Variants in UBAP2 observed in about 807,000 individuals in gnomAD.
UBAP2 encodes the protein ubiquitin-associated protein 2.
Under a neutral mutation model 139.6 loss-of-function variants are expected in UBAP2, and 75 were observed. The ratio of observed to expected loss-of-function variants is 0.54; its 90% CI spans 0.45 to 0.65. The LOEUF (loss-of-function observed/expected upper bound fraction) is 0.65, where lower values mean the gene tolerates loss of function less well. Among genes scored for constraint, UBAP2 ranks in the 30% least tolerant of loss-of-function variants. The probability of loss-of-function intolerance (pLI) is 0.00; values close to 1 mark genes in which losing one functional copy is unlikely to be tolerated. For synonymous variants in UBAP2, 526 were observed against 526.2 expected (o/e 1.00, Z 0.01); for missense variants, 1,368 against 1,369.6 (o/e 1.00, Z 0.02).
At chr9:34,012,285 C>T (rs1424984030) in intron 2 of UBAP2, among the ~76,000 whole-genome samples, 1 of 152,170 alleles carries the variant, frequency 6.6e-6, no homozygotes, top group Non-Finnish European at 1.5e-5. Context: ...AATCCCAGCA[C>T]TTTGGGAGGT....
intron 1 of UBAP2, among the ~76,000 whole-genome samples, chr9:34,023,768 G>A (rs1033515642): frequency 1.4e-4 from 22 of 152,102 alleles, no homozygotes; most frequent in Admixed American, 7.2e-4. Context: ...AATACAGGCC[G>A]GGTGCAGTAG....
chr9:34,002,581 T>C (rs900133627), intron 2 of UBAP2, among the ~76,000 whole-genome samples: 4 of 152,054 alleles, frequency 2.6e-5, no homozygotes, highest in Non-Finnish European at 4.4e-5. Context: ...TTTCACAATG[T>C]TGGTCAGGCT....
rs558299142 is a variant in UBAP2 at position 33,947,603 on chromosome 9, C to G, written c.1270+771G>C. On this transcript the variant is annotated intron_variant, in intron 13 of 28. Coordinates refer to ENST00000379238, the MANE Select transcript of UBAP2 (RefSeq NM_001370062.2). ...TTTGGAGGCCGAGGTGGGCAGATCA[C>G]CTTAGTCCAGGAGTTCCAGACCAGC... 1.8e-4 allele frequency among the ~76,000 whole-genome samples: 27 copies of G among 152,122 alleles called. 2 individuals carry two copies. In the South Asian group the frequency reaches 5.6e-3, roughly 32 times the overall value.
intron 1 of UBAP2, among the ~76,000 whole-genome samples, chr9:34,029,277 A>G (rs867277125): frequency 6.9e-5 from 10 of 145,896 alleles, no homozygotes; most frequent in African/African-American, 1.8e-4. Flanking sequence ...CCTGTAATCC[A>G]GCACTTTGGG....
intron 6 of UBAP2, among the ~76,000 whole-genome samples, chr9:33,977,955 C>T (rs1361010924): frequency 1.4e-5 from 2 of 146,694 alleles, no homozygotes; most frequent in Non-Finnish European, 3.0e-5. Flanking sequence ...GCAGAGGTTG[C>T]AGTGAGCCAA....
intron 16 of UBAP2, among the ~76,000 whole-genome samples, chr9:33,939,276 C>A (rs942137847): frequency 2.1e-5 from 3 of 141,406 alleles, no homozygotes; most frequent in Non-Finnish European, 4.5e-5. Flanking sequence ...TCACTGCAAC[C>A]TCCTCCGCCT....
rs574415611 is a variant in UBAP2, at chr9:34,039,126, G to A, written c.-42+9699C>T. ...AAGTGAGGAGCGTCTCCGCCCGGCA[G>A]CCGGCCCGTCTGGGAGGTGGGGGGC... On this transcript the variant is annotated intron_variant, in intron 1 of 28. Transcript: ENST00000379238. Among the ~76,000 whole-genome samples the A allele has an allele frequency of 5.3e-4, 80 of 151,644 alleles. 1 individual carries two copies. Among genetic ancestry groups the A allele is most frequent in the East Asian group, 2.6e-3 (13 of 5,098 alleles).
chr9:34,020,437 G>A (rs894737360), intron 1 of UBAP2, among the ~76,000 whole-genome samples: 2 of 151,650 alleles, frequency 1.3e-5, no homozygotes, highest in African/African-American at 4.8e-5. Flanking sequence ...CAATCCTCCT[G>A]TCTCAGCCTC....
intron 1 of UBAP2, among the ~76,000 whole-genome samples, chr9:34,039,533 T>C (rs1587703617): frequency 6.6e-6 from 1 of 152,170 alleles, no homozygotes; most frequent in Non-Finnish European, 1.5e-5. Flanking sequence ...CTTGGGATGC[T>C]GTTAATCTAT....
At chr9:34,039,667 C>A (rs958715918) in intron 1 of UBAP2, among the ~76,000 whole-genome samples, 1 of 151,822 alleles carries the variant, frequency 6.6e-6, no homozygotes, top group African/African-American at 2.4e-5. Flanking sequence ...AGAGTCATCA[C>A]CACTCCCTAA....
chr9:33,957,396 T>G (rs573767865), intron 10 of UBAP2, among the ~76,000 whole-genome samples: 18 of 152,320 alleles, frequency 1.2e-4, no homozygotes, highest in African/African-American at 4.1e-4. Flanking sequence ...CCTGTCCCTG[T>G]GGAATCACTC....
At chr9:33,956,729 A>G (rs1386175949) in intron 10 of UBAP2, among the ~76,000 whole-genome samples, 1 of 152,156 alleles carries the variant, frequency 6.6e-6, no homozygotes, top group Non-Finnish European at 1.5e-5. Context: ...CACTCAAACC[A>G]GGGCTCAACC....
intron 2 of UBAP2, among the ~76,000 whole-genome samples, chr9:34,003,645 G>A (rs570373258): frequency 3.9e-4 from 59 of 152,124 alleles, no homozygotes; most frequent in African/African-American, 1.4e-3. Flanking sequence ...GACCTTAAAT[G>A]ACCCTCCTGC....
rs746060246 is a variant in UBAP2 at position 33,923,979 on chromosome 9, C to G, written c.2612G>C (p.Arg871Pro). ...GGGTGCAGGGGATGCAGAGTCCCCA[C>G]GGCCAAACTTTGTGACATCACCTAG... ...PYPGDVTKFG[R>P]GDSASPAPAT... Residue 871 changes from arginine (R) to proline (P), a missense_variant, in exon 24 of 29, where the codon CGT (arginine) becomes CCT (proline). Transcript: ENST00000379238. 2 of 1,613,846 alleles carry G rather than the reference C, an allele frequency of 1.2e-6. No homozygotes were observed. Among genetic ancestry groups the G allele is most frequent in the Admixed American group, 1.7e-5 (1 of 60,016 alleles).
intron 2 of UBAP2, among the ~76,000 whole-genome samples, chr9:34,008,012 T>C (rs1416143773): frequency 6.6e-6 from 1 of 151,892 alleles, no homozygotes; most frequent in African/African-American, 2.4e-5. Flanking sequence ...AGTGACCAAT[T>C]ATTTTAAAAG....
chr9:34,004,457 C>A (rs1822998271), intron 2 of UBAP2, among the ~76,000 whole-genome samples: 1 of 151,970 alleles, frequency 6.6e-6, no homozygotes, highest in African/African-American at 2.4e-5. Flanking sequence ...TGCACTCCAG[C>A]CTGTGTGACA....
At chr9:33,994,559 C>T (rs903897217) in intron 4 of UBAP2, 7 of 150,040 alleles carry the variant, frequency 4.7e-5, no homozygotes, top group Non-Finnish European at 4.4e-5. Flanking sequence ...TACCCATTAG[C>T]GATAAGGTAA....
intron 4 of UBAP2, chr9:33,994,734 A>G (rs1302228440): frequency 2.0e-5 from 3 of 151,852 alleles, no homozygotes; most frequent in Admixed American, 6.6e-5. Flanking sequence ...ATGGAATTTT[A>G]CCAACAATTA....
At position 33,978,958 on chromosome 9, in the gene UBAP2, G is replaced by A. The variant is rs1417070887; in HGVS notation, c.521-5721C>T. Among the ~76,000 whole-genome samples the A allele has an allele frequency of 2.0e-5, 3 of 152,174 alleles. No individual in the cohort carries two copies. In the East Asian group the frequency reaches 5.8e-4, roughly 29 times the overall value. ...TAACTTCAAGTGTAATTCATTACCA[G>A]CCAAAGCAGTGGCTTGTGCCTGTAA... On this transcript the variant is annotated intron_variant, in intron 6 of 28. Transcript: ENST00000379238.
Sources: allele counts gnomAD v4.1 joint callset (sites outside exome capture counted in the v4.1 genomes callset), GRCh38; gene constraint gnomAD v4.1.1; transcripts MANE v1.5; gene names NCBI Gene and HGNC (gene_info 2026-07-23, HGNC 2026-07-21).